The following TENM1 variants were observed in gnomAD, a reference collection of about 807,000 sequenced individuals.
The protein encoded by TENM1 is teneurin transmembrane protein 1, also known as teneurin-1.
A neutral mutation model predicts 174.8 loss-of-function variants in TENM1; 35 were observed. The observed-to-expected ratio is 0.20, with a 90% CI of 0.15 to 0.27. The LOEUF is 0.27. TENM1 is among the 10% of genes least tolerant of loss of function. The pLI, the probability that TENM1 is intolerant of heterozygous loss-of-function variation, is 1.00. For synonymous variants in TENM1, 781 were observed against 798.7 expected (o/e 0.98, Z 0.37); for missense variants, 1,633 against 2,130.1 (o/e 0.77, Z 4.59).
At chrX:124,469,768 T>C (rs1292000683) in intron 22 of TENM1, among the ~76,000 whole-genome samples, 4 of 111,572 alleles carry the variant, frequency 3.6e-5, no homozygotes, top group Non-Finnish European at 7.5e-5. Flanking sequence ...GGAACACATA[T>C]GAAAGACAAA....
At chrX:124,398,400 TTA>T (rs1156234655) in intron 27 of TENM1, among the ~76,000 whole-genome samples, 2 of 110,620 alleles carry the variant, frequency 1.8e-5, no homozygotes, top group Non-Finnish European at 3.8e-5. Context: ...AAGCCTACTT[TTA>T]TTTCACAGAG....
the TENM1 span, among the ~76,000 whole-genome samples, chrX:125,029,180 G>A: frequency 9.0e-6 from 1 of 111,042 alleles, no homozygotes; most frequent in Non-Finnish European, 1.9e-5. Flanking sequence ...TCTTCTTCTG[G>A]AGAGCTCTCT....
At chrX:125,063,607 A>G in the TENM1 span, among the ~76,000 whole-genome samples, 4 of 112,002 alleles carry the variant, frequency 3.6e-5, no homozygotes, top group Non-Finnish European at 7.5e-5. Flanking sequence ...CAAAACCACA[A>G]TGAGATACCA....
chrX:125,142,950 A>G, the TENM1 span, among the ~76,000 whole-genome samples: 1 of 112,208 alleles, frequency 8.9e-6, no homozygotes, highest in Non-Finnish European at 1.9e-5. Flanking sequence ...TGGTGTACCA[A>G]GAAGAAAAAA....
At chrX:124,813,797 C>T (rs946092664) in intron 3 of TENM1, among the ~76,000 whole-genome samples, 3 of 110,789 alleles carry the variant, frequency 2.7e-5, no homozygotes, top group African/African-American at 6.5e-5. Context: ...GCCTTTACTG[C>T]ATGCCCTCTA....
At chrX:124,785,547 A>C (rs1277746082) in intron 3 of TENM1, among the ~76,000 whole-genome samples, 1 of 112,090 alleles carries the variant, frequency 8.9e-6, no homozygotes, top group Non-Finnish European at 1.9e-5. Context: ...CAATACTTTG[A>C]CCAAATACTT....
intron 11 of TENM1, among the ~76,000 whole-genome samples, chrX:124,638,383 C>T (rs1437831721): frequency 9.0e-6 from 1 of 111,324 alleles, no homozygotes; most frequent in African/African-American, 3.3e-5. Context: ...GAGAGTAGTA[C>T]ATTACCAGGA....
chrX:124,524,835 A>G (rs1186315559), intron 16 of TENM1, among the ~76,000 whole-genome samples: 1 of 111,751 alleles, frequency 8.9e-6, no homozygotes, highest in Non-Finnish European at 1.9e-5. Context: ...GACGTACTTG[A>G]GAGCATCTGA....
chrX:124,839,180 T>C (rs573190180), intron 3 of TENM1, among the ~76,000 whole-genome samples: 5 of 112,297 alleles, frequency 4.5e-5, no homozygotes, highest in African/African-American at 1.6e-4. Flanking sequence ...AAAAAATCTA[T>C]TTGTAAAACA....
At chrX:124,817,880 A>G (rs1022548215) in intron 3 of TENM1, among the ~76,000 whole-genome samples, 1 of 111,822 alleles carries the variant, frequency 8.9e-6, no homozygotes, top group Non-Finnish European at 1.9e-5. Context: ...TTATTTATAC[A>G]TTTAGTCTAA....
At chrX:125,025,065 G>A in the TENM1 span, among the ~76,000 whole-genome samples, 2 of 111,240 alleles carry the variant, frequency 1.8e-5, no homozygotes, top group Non-Finnish European at 3.8e-5. Flanking sequence ...TGAAAATATC[G>A]AATACAAGGC....
chrX:124,470,931 C>G (rs2061292742), intron 22 of TENM1, among the ~76,000 whole-genome samples: 1 of 107,598 alleles, frequency 9.3e-6, no homozygotes, highest in Non-Finnish European at 1.9e-5. Context: ...ACAAAAGTTG[C>G]ACTTTATTTC....
intron 23 of TENM1, among the ~76,000 whole-genome samples, chrX:124,428,731 GT>G (rs67447009): frequency 0.25 from 27,296 of 110,971 alleles, 2,921 homozygotes; most frequent in East Asian, 0.79. Flanking sequence ...AGTAATAACA[GT>G]TTTTATAGTC....
chrX:124,514,654 A>G (rs1372437004), intron 18 of TENM1, among the ~76,000 whole-genome samples: 7 of 111,311 alleles, frequency 6.3e-5, no homozygotes, highest in African/African-American at 2.3e-4. Context: ...GAACAGACCA[A>G]TAATGAGCTC....
Position 124,696,781 on chromosome X carries a change from A to G in TENM1, c.1015+8232T>C, listed in dbSNP as rs1430553110. Among the ~76,000 whole-genome samples the G allele has an allele frequency of 2.7e-5, 3 of 111,880 alleles. No individual in the cohort carries two copies. In the Admixed American group the frequency reaches 2.9e-4, roughly 11 times the overall value. The stretch of plus-strand genomic sequence containing the variant: ...AAGTTCAAAACCAAAGGAAATGTAG[A>G]TTCATAAGTGAACAAAGGGTAAAAC... On this transcript the variant is annotated intron_variant, in intron 5 of 31. Coordinates refer to ENST00000422452, the Ensembl canonical transcript of TENM1.
chrX:124,813,407 T>C (rs967777271), intron 3 of TENM1, among the ~76,000 whole-genome samples: 14 of 111,762 alleles, frequency 1.3e-4, no homozygotes, highest in Non-Finnish European at 2.6e-4. Flanking sequence ...CCAATATCAT[T>C]AATATTTATC....
At chrX:124,494,052 T>C (rs141566952) in intron 20 of TENM1, among the ~76,000 whole-genome samples, 6 of 111,661 alleles carry the variant, frequency 5.4e-5, no homozygotes, top group Admixed American at 9.5e-5. Context: ...TAACACTCAG[T>C]ATTAGAAAAT....
intron 3 of TENM1, among the ~76,000 whole-genome samples, chrX:124,801,565 G>T (rs2055451302): frequency 9.0e-6 from 1 of 111,542 alleles, no homozygotes; most frequent in South Asian, 3.8e-4. Context: ...TCTTTTAATT[G>T]GGGCATTTAG....
intron 11 of TENM1, among the ~76,000 whole-genome samples, chrX:124,613,377 T>C (rs186401961): frequency 1.8e-5 from 2 of 110,643 alleles, no homozygotes; most frequent in East Asian, 5.7e-4. Context: ...TTAATGTATA[T>C]GTAAACCAAA....
Sources: gnomAD v4.1 joint callset for allele counts (sites outside exome capture counted in the v4.1 genomes callset) on GRCh38, gnomAD v4.1.1 for gene constraint, MANE v1.5 for transcripts, NCBI Gene and HGNC (gene_info 2026-07-23, HGNC 2026-07-21) for gene names.